Variants in TOP1 observed in about 807,000 individuals in gnomAD.
TOP1 encodes DNA topoisomerase 1.
A neutral mutation model predicts 111.1 loss-of-function variants in TOP1; 10 were observed. The ratio of observed to expected loss-of-function variants is 0.09; its 90% CI spans 0.06 to 0.15. The LOEUF is 0.15. Among genes scored for constraint, TOP1 ranks in the 10% least tolerant of loss-of-function variants. The pLI is 1.00. For synonymous variants in TOP1, 271 were observed against 302.9 expected, an observed-to-expected ratio of 0.89 and a Z score of 1.10; for missense variants, 474 against 926.7, an observed-to-expected ratio of 0.51 and a Z score of 6.34.
At chr20:41,063,948 A>G (rs965657881) in intron 3 of TOP1, among the ~76,000 whole-genome samples, 1 of 151,472 alleles carries the variant, frequency 6.6e-6, no homozygotes, top group Non-Finnish European at 1.5e-5. Flanking sequence ...CTTTTGCTGC[A>G]ATTGCTTTTG....
intron 3 of TOP1, among the ~76,000 whole-genome samples, chr20:41,074,111 CT>C (rs1555804501): frequency 1.3e-5 from 2 of 152,100 alleles, no homozygotes; most frequent in Non-Finnish European, 2.9e-5. Context: ...CAACCTTGCT[CT>C]TTGACCATTC....
intron 13 of TOP1, among the ~76,000 whole-genome samples, chr20:41,103,477 C>T (rs1247631721): frequency 2.0e-5 from 3 of 152,128 alleles, no homozygotes; most frequent in African/African-American, 4.8e-5. Context: ...AGCTTCACTT[C>T]AGCAAGATTT....
intron 18 of TOP1, among the ~76,000 whole-genome samples, chr20:41,119,448 G>A (rs1346946083): frequency 3.3e-5 from 5 of 152,142 alleles, no homozygotes; most frequent in African/African-American, 1.2e-4. Flanking sequence ...GACCCTGTCT[G>A]TATTAAAAAT....
At chr20:41,081,459 C>G (rs1222548260) in intron 7 of TOP1, among the ~76,000 whole-genome samples, 2 of 152,224 alleles carry the variant, frequency 1.3e-5, no homozygotes, top group African/African-American at 4.8e-5. Context: ...TGATTCTGCT[C>G]TCAGCCTTCC....
rs1759295338 is a variant in TOP1, at chr20:41,115,907, T to A, written c.1708-371T>A. ...TGAGGTCAGGAGTTTGAGACCAGCC[T>A]GGGCAACATGGCAAAACCATTATCC... On this transcript the variant is annotated intron_variant, in intron 16 of 20. Transcript: ENST00000361337. The surrounding 1 kb of genome is among the most constrained non-coding windows in gnomAD (Gnocchi z 6.3). Among the ~76,000 whole-genome samples the A allele has an allele frequency of 6.6e-6, 1 of 152,172 alleles. No individual in the cohort carries two copies. The highest frequency in any genetic ancestry group is 1.5e-5 in the Non-Finnish European group (1 of 68,030).
At chr20:41,088,664 T>C (rs2033877820) in intron 8 of TOP1, among the ~76,000 whole-genome samples, 1 of 152,060 alleles carries the variant, frequency 6.6e-6, no homozygotes, top group Non-Finnish European at 1.5e-5. Context: ...CATATATATA[T>C]ATTTTCTCTA....
At position 41,106,531 on chromosome 20, in the gene TOP1, T is replaced by G. The variant is rs1568701184; in HGVS notation, c.1308+5178T>G. Among the ~76,000 whole-genome samples, 1 of 152,216 alleles carries G rather than the reference T, an allele frequency of 6.6e-6. No individual in the cohort carries two copies. On this transcript the variant is annotated intron_variant, in intron 13 of 20. Transcript: ENST00000361337. The surrounding 1 kb of genome is among the most constrained non-coding windows in gnomAD (Gnocchi z 4.3). ...TTGAGTTTCCAATTCACGAACATGT[T>G]ATACCTCTCCATTAATTCATGTCTT...
rs1206259396 is a variant in TOP1 at position 41,101,079 on chromosome 20, G to T, written c.1164-130G>T. ...GTAAGTAAAACCATGCATAAGGTGG[G>T]ACTACTGTATTGACTGTTAAGAAGG... is the stretch of plus-strand genomic sequence containing the variant. On this transcript the variant is annotated intron_variant, in intron 12 of 20. Transcript: ENST00000361337. The surrounding 1 kb of genome is among the most constrained non-coding windows in gnomAD (Gnocchi z 4.1). 6 of 831,934 alleles carry T rather than the reference G, an allele frequency of 7.2e-6. No homozygotes were observed. The African/African-American group carries it at 8.5e-5, about 12-fold the overall frequency. 51.5% of individuals were successfully genotyped at this position (831,934 alleles called of 1,614,324 possible). A position where few individuals can be genotyped will look rare whatever the true frequency, so the allele number is the denominator to read the frequency against.
rs2034442048 is a variant in TOP1 at position 41,122,725 on chromosome 20, T to TG, written c.2196-468dup. Among the ~76,000 whole-genome samples, 2 of 152,202 alleles carry TG rather than the reference T, an allele frequency of 1.3e-5. No individual in the cohort carries two copies. The highest frequency in any genetic ancestry group is 2.9e-5 in the Non-Finnish European group (2 of 68,014). ...TGAGCTGTTAAGTTCTGAGCATAGG[T>TG]GGAGATATCCTCCCCTATGGCACTT... On this transcript the variant is annotated intron_variant, in intron 20 of 20. Transcript: ENST00000361337. The surrounding 1 kb of genome is among the most constrained non-coding windows in gnomAD (Gnocchi z 5.4).
chr20:41,064,947 C>T (rs1423063166), intron 3 of TOP1, among the ~76,000 whole-genome samples: 5 of 152,072 alleles, frequency 3.3e-5, no homozygotes, highest in Non-Finnish European at 5.9e-5. Context: ...CTCTGTTGCC[C>T]AGGCTGGAGT....
At chr20:41,062,527 A>G (rs16989524) in intron 3 of TOP1, among the ~76,000 whole-genome samples, 7,788 of 152,154 alleles carry the variant, frequency 0.051, 664 homozygotes, top group African/African-American at 0.18. Flanking sequence ...TGGTAAATTT[A>G]ATCTCAGTAG....
chr20:41,113,966 G>A lies in TOP1; in HGVS notation c.1453-4G>A. The A allele has an allele frequency of 6.2e-7, 1 of 1,610,976 alleles. No individual in the cohort carries two copies. The highest frequency in any genetic ancestry group is 8.5e-7 in the Non-Finnish European group (1 of 1,177,540). ...TGCTCATCTTTTCTTTCTTTCCTGGGCAGCTTGCTCTGAGAGCAGGCAATG... is the reference window on the plus strand; with the variant it reads ...TGCTCATCTTTTCTTTCTTTCCTGGACAGCTTGCTCTGAGAGCAGGCAATG... On this transcript the variant is annotated splice_polypyrimidine_tract_variant and splice_region_variant and intron_variant, in intron 14 of 20. Transcript: ENST00000361337.
chr20:41,084,414 G>A, intron 7 of TOP1, 48 bp from the exon 8 acceptor site: 2 of 1,221,146 alleles, frequency 1.6e-6, no homozygotes, highest in Non-Finnish European at 1.1e-6. Context: ...GCCTCCAGAA[G>A]TGTGATCAGT....
intron 3 of TOP1, among the ~76,000 whole-genome samples, chr20:41,063,397 A>AC (rs1226082546): frequency 6.6e-6 from 1 of 152,202 alleles, no homozygotes; most frequent in African/African-American, 2.4e-5. Flanking sequence ...GCTGCAGTGA[A>AC]CATGTGTGTA....
intron 13 of TOP1, among the ~76,000 whole-genome samples, chr20:41,103,691 C>G (rs1334699921): frequency 6.6e-6 from 1 of 151,972 alleles, no homozygotes; most frequent in African/African-American, 2.4e-5. Flanking sequence ...ATCTGGCTGG[C>G]CTCACTATAT....
At position 41,064,424 on chromosome 20, in the gene TOP1, T is replaced by G. The variant is rs547805116; in HGVS notation, c.155+2934T>G. 5.9e-5 allele frequency among the ~76,000 whole-genome samples: 9 copies of G among 152,338 alleles called. No homozygotes were observed. The South Asian group carries it at 1.9e-3, about 32-fold the overall frequency. On this transcript the variant is annotated intron_variant, in intron 3 of 20. Transcript: ENST00000361337. ...AAACCATCTTCTTTGGCTTTAATGC[T>G]TCCATGCCTCTCCATCTTTCTGGCC...
chr20:41,074,004 A>G (rs1455699915), intron 3 of TOP1, among the ~76,000 whole-genome samples: 1 of 152,206 alleles, frequency 6.6e-6, no homozygotes, highest in African/African-American at 2.4e-5. Context: ...TGGTTTTATA[A>G]TGGAATGGTA....
chr20:41,093,551 T>C (rs895017847), intron 9 of TOP1, among the ~76,000 whole-genome samples: 1 of 152,076 alleles, frequency 6.6e-6, no homozygotes, highest in Admixed American at 6.6e-5. Flanking sequence ...GCCACTGTTA[T>C]TTCACCACCC....
intron 3 of TOP1, among the ~76,000 whole-genome samples, chr20:41,065,762 A>G (rs1273202764): frequency 6.6e-6 from 1 of 152,166 alleles, no homozygotes; most frequent in Non-Finnish European, 1.5e-5. Context: ...ACTGAATTAT[A>G]TTCCATTGTA....
Sources: gnomAD v4.1 joint callset for allele counts (sites outside exome capture counted in the v4.1 genomes callset) on GRCh38, gnomAD v4.1.1 for gene constraint, Gnocchi (gnomAD v3.1) non-coding constraint, MANE v1.5 for transcripts, NCBI Gene and HGNC (gene_info 2026-07-23, HGNC 2026-07-21) for gene names.